FAF1: variants seen among roughly 807,000 people sequenced by gnomAD.
FAF1 encodes Fas associated factor 1.
FAF1 carries 25 observed loss-of-function variants against 92.5 expected under a neutral mutation model. That is an observed-to-expected ratio of 0.27 (90% CI 0.20 to 0.38). FAF1 has a LOEUF of 0.38. Among genes scored for constraint, FAF1 ranks in the 10% least tolerant of loss-of-function variants. The pLI is 1.00. For synonymous variants in FAF1, 234 were observed against 273.2 expected, an observed-to-expected ratio of 0.86 and a Z score of 1.42; for missense variants, 636 against 793.3, an observed-to-expected ratio of 0.80 and a Z score of 2.38.
chr1:50,625,050 C>T (rs1557442004), intron 8 of FAF1, among the ~76,000 whole-genome samples: 1 of 151,794 alleles, frequency 6.6e-6, no homozygotes, highest in Non-Finnish European at 1.5e-5. Context: ...TACAGGCGTG[C>T]ACCACCACGC....
At position 50,869,125 on chromosome 1, in the gene FAF1, T is replaced by A. The variant is rs191469507; in HGVS notation, c.46-11128A>T. On this transcript the variant is annotated intron_variant, in intron 1 of 18. Transcript: ENST00000396153. ...AAAATTGATTCTCCCGCGATTATGT[T>A]TCTTTTATCTTTGGTAATATGCCTT... is the stretch of plus-strand genomic sequence containing the variant. Among the ~76,000 whole-genome samples the A allele has an allele frequency of 1.1e-4, 17 of 152,274 alleles. No individual in the cohort carries two copies. In the East Asian group the frequency reaches 1.5e-3, roughly 14 times the overall value.
At chr1:50,851,782 C>A (rs1644353459) in intron 2 of FAF1, among the ~76,000 whole-genome samples, 2 of 151,984 alleles carry the variant, frequency 1.3e-5, no homozygotes, top group South Asian at 4.1e-4. Flanking sequence ...TAAAAATAAG[C>A]AGAAGGTAAA....
intron 15 of FAF1, among the ~76,000 whole-genome samples, chr1:50,506,340 T>C (rs1044422258): frequency 2.0e-5 from 3 of 152,314 alleles, no homozygotes; most frequent in Admixed American, 2.0e-4. Context: ...CCACATACTC[T>C]ACGCTTGACC....
chr1:50,730,760 A>C (rs1227581704), intron 6 of FAF1, among the ~76,000 whole-genome samples: 3 of 152,208 alleles, frequency 2.0e-5, no homozygotes, highest in African/African-American at 7.2e-5. Flanking sequence ...ACTAGGCTCC[A>C]CATTTTCTTG....
At chr1:50,939,864 A>T (rs1645116659) in intron 1 of FAF1, among the ~76,000 whole-genome samples, 1 of 152,126 alleles carries the variant, frequency 6.6e-6, no homozygotes, top group Admixed American at 6.5e-5. Context: ...TAGATATATC[A>T]TTTCACCCAT....
intron 8 of FAF1, among the ~76,000 whole-genome samples, chr1:50,625,175 C>T (rs1653441484): frequency 1.3e-5 from 2 of 152,142 alleles, no homozygotes; most frequent in African/African-American, 2.4e-5. Flanking sequence ...GCTGGGATTA[C>T]AGGCGTGAGC....
At chr1:50,873,294 T>C (rs926639532) in intron 1 of FAF1, among the ~76,000 whole-genome samples, 2 of 152,242 alleles carry the variant, frequency 1.3e-5, no homozygotes, top group African/African-American at 2.4e-5. Context: ...ATATCTACTT[T>C]ACCGCATTGG....
intron 7 of FAF1, among the ~76,000 whole-genome samples, chr1:50,668,953 C>T (rs1655750727): frequency 6.6e-6 from 1 of 152,144 alleles, no homozygotes; most frequent in Admixed American, 6.6e-5. Context: ...TATTCCTTAG[C>T]TCATCCCTGC....
At chr1:50,699,361 T>C (rs932071397) in intron 7 of FAF1, among the ~76,000 whole-genome samples, 3 of 152,120 alleles carry the variant, frequency 2.0e-5, no homozygotes, top group Admixed American at 2.0e-4. Context: ...TTTTTTAATC[T>C]CATAACTTTG....
intron 4 of FAF1, among the ~76,000 whole-genome samples, chr1:50,760,372 A>C (rs1291175658): frequency 1.3e-5 from 2 of 152,186 alleles, no homozygotes; most frequent in African/African-American, 4.8e-5. Context: ...ACCCCAAATC[A>C]ACAGAACATA....
intron 2 of FAF1, among the ~76,000 whole-genome samples, chr1:50,816,943 CT>C (rs1221865574): frequency 6.6e-6 from 1 of 152,102 alleles, no homozygotes; most frequent in African/African-American, 2.4e-5. Flanking sequence ...CTAAGGAGTC[CT>C]TTCTTCGTTG....
At chr1:50,930,741 T>C (rs899826332) in intron 1 of FAF1, among the ~76,000 whole-genome samples, 2 of 151,856 alleles carry the variant, frequency 1.3e-5, no homozygotes, top group Admixed American at 1.3e-4. Flanking sequence ...AGGTGGAGCT[T>C]GCAATGAGCC....
intron 7 of FAF1, among the ~76,000 whole-genome samples, chr1:50,705,582 T>C (rs543893574): frequency 4.7e-4 from 72 of 152,348 alleles, no homozygotes; most frequent in African/African-American, 1.7e-3. Context: ...TTAAAAATTA[T>C]CAAGAGTTCC....
chr1:50,818,853 A>G (rs984650982), intron 2 of FAF1, among the ~76,000 whole-genome samples: 4 of 152,132 alleles, frequency 2.6e-5, no homozygotes, highest in African/African-American at 9.7e-5. Flanking sequence ...AAAAAAAAAA[A>G]AGAAATCTTG....
chr1:50,717,170 C>T (rs1380975809), intron 6 of FAF1, among the ~76,000 whole-genome samples: 1 of 152,178 alleles, frequency 6.6e-6, no homozygotes, highest in East Asian at 1.9e-4. Context: ...GGACACAATA[C>T]CTGGGCTTCA....
At chr1:50,491,859 G>T in intron 15 of FAF1, 58 bp from the exon 16 acceptor site, 2 of 1,280,744 alleles carry the variant, frequency 1.6e-6, no homozygotes, top group South Asian at 1.3e-5. Flanking sequence ...AAAAAAAAGA[G>T]AAAAAAAACT....
At chr1:50,722,603 C>G (rs1025934539) in intron 6 of FAF1, among the ~76,000 whole-genome samples, 1 of 149,372 alleles carries the variant, frequency 6.7e-6, no homozygotes, top group East Asian at 2.0e-4. Flanking sequence ...GAGCTGAGAT[C>G]GCGCCACTGC....
intron 12 of FAF1, among the ~76,000 whole-genome samples, chr1:50,579,601 A>T (rs529605619): frequency 4.5e-4 from 68 of 152,210 alleles, no homozygotes; most frequent in Non-Finnish European, 8.7e-4. Context: ...GCATTATTTT[A>T]CAAAGCATGT....
rs368487313 is a variant in FAF1 at position 50,891,229 on chromosome 1, C to A, written c.46-33232G>T. Among the ~76,000 whole-genome samples the A allele has an allele frequency of 1.8e-4, 27 of 152,230 alleles. No homozygotes were observed. In the South Asian group the frequency reaches 4.3e-3, roughly 25 times the overall value. ...GTTCCATCATGTCATTTAAGGACTT[C>A]TCTACATTGGTTATTCTAGTTAGCC... On this transcript the variant is annotated intron_variant, in intron 1 of 18. Transcript: ENST00000396153.
Sources: gnomAD v4.1 joint callset for allele counts (sites outside exome capture counted in the v4.1 genomes callset) on GRCh38, gnomAD v4.1.1 for gene constraint, MANE v1.5 for transcripts, NCBI Gene and HGNC (gene_info 2026-07-23, HGNC 2026-07-21) for gene names.